CNTNAP2: variants seen among roughly 807,000 people sequenced by gnomAD.
The protein encoded by CNTNAP2 is contactin-associated protein-like 2.
Under a neutral mutation model 155.2 loss-of-function variants are expected in CNTNAP2, and 98 were observed. The observed-to-expected ratio is 0.63, with a 90% CI of 0.54 to 0.75. The LOEUF is 0.75. Ranked by LOEUF, CNTNAP2 falls within the 30% of genes least tolerant of loss-of-function variation. The pLI is 0.00. For synonymous variants in CNTNAP2, 651 were observed against 631.2 expected (o/e 1.03, Z -0.47); for missense variants, 1,727 against 1,688.1 (o/e 1.02, Z -0.40).
chr7:146,483,132 C>T (rs1486679424), intron 1 of CNTNAP2, among the ~76,000 whole-genome samples: 5 of 149,910 alleles, frequency 3.3e-5, no homozygotes, highest in African/African-American at 9.8e-5. Context: ...AAAAATTAGC[C>T]GGGCATGGTG....
chr7:146,885,831 T>C (rs150326950), intron 3 of CNTNAP2, among the ~76,000 whole-genome samples: 4 of 152,216 alleles, frequency 2.6e-5, no homozygotes, highest in African/African-American at 9.6e-5. Flanking sequence ...CAGCATGAAT[T>C]GTAAACTAAG....
intron 2 of CNTNAP2, among the ~76,000 whole-genome samples, chr7:146,835,316 A>T (rs1562967239): frequency 6.6e-6 from 1 of 152,140 alleles, no homozygotes; most frequent in Non-Finnish European, 1.5e-5. Context: ...CTCACCTGTT[A>T]CCTCATTGTA....
At chr7:146,145,276 T>G (rs928521770) in intron 1 of CNTNAP2, among the ~76,000 whole-genome samples, 1 of 152,200 alleles carries the variant, frequency 6.6e-6, no homozygotes, top group African/African-American at 2.4e-5. Flanking sequence ...GAAGCCTTCC[T>G]GAAAGCCTCA....
chr7:146,239,499 G>A (rs2116925570), intron 1 of CNTNAP2, among the ~76,000 whole-genome samples: 1 of 152,180 alleles, frequency 6.6e-6, no homozygotes, highest in Admixed American at 6.5e-5. Context: ...ATAGTTGATA[G>A]GATAACCTGG....
At chr7:146,778,088 T>C (rs1308793760) in intron 2 of CNTNAP2, among the ~76,000 whole-genome samples, 1 of 152,122 alleles carries the variant, frequency 6.6e-6, no homozygotes, top group Non-Finnish European at 1.5e-5. Context: ...AGTGAGAAGA[T>C]CATATACTAA....
chr7:147,802,669 G>A (rs772984608), intron 13 of CNTNAP2, among the ~76,000 whole-genome samples: 2,332 of 151,818 alleles, frequency 0.015, 70 homozygotes, highest in African/African-American at 0.053. Flanking sequence ...GCAGGCACTC[G>A]GCAGGCTGAG....
chr7:147,377,372 C>T (rs1796453393), intron 9 of CNTNAP2, among the ~76,000 whole-genome samples: 1 of 151,570 alleles, frequency 6.6e-6, no homozygotes, highest in Non-Finnish European at 1.5e-5. Flanking sequence ...TACTTTTTGT[C>T]CTGAGTTTTA....
chr7:147,139,232 AC>A (rs1442891222), intron 8 of CNTNAP2, among the ~76,000 whole-genome samples: 1 of 152,056 alleles, frequency 6.6e-6, no homozygotes, highest in East Asian at 1.9e-4. Context: ...GTGGTCCTTT[AC>A]CTTTCATTTA....
chr7:147,897,628 T>A (rs1234354337), intron 13 of CNTNAP2, among the ~76,000 whole-genome samples: 1 of 152,188 alleles, frequency 6.6e-6, no homozygotes, highest in Non-Finnish European at 1.5e-5. Context: ...TTTCATGAGG[T>A]CAAAATGGAA....
At chr7:147,395,520 T>C (rs1796798608) in intron 9 of CNTNAP2, 89 bp from the exon 10 acceptor site, 2 of 1,273,714 alleles carry the variant, frequency 1.6e-6, no homozygotes, top group Admixed American at 3.4e-5. Context: ...TTGGATGTGA[T>C]GGCTGTGGCC....
chr7:146,831,744 G>A (rs544423677), intron 2 of CNTNAP2, among the ~76,000 whole-genome samples: 279 of 150,732 alleles, frequency 1.9e-3, no homozygotes, highest in African/African-American at 6.3e-3. Flanking sequence ...CTTGTCTGAG[G>A]AGGTATTTGT....
chr7:146,212,204 C>T (rs1203603294), intron 1 of CNTNAP2, among the ~76,000 whole-genome samples: 1 of 152,078 alleles, frequency 6.6e-6, no homozygotes, highest in Non-Finnish European at 1.5e-5. Flanking sequence ...CACTGGGGGT[C>T]AGTTTTCTAA....
intron 1 of CNTNAP2, among the ~76,000 whole-genome samples, chr7:146,149,879 G>GAAAAAAAAA (rs377385260): frequency 8.4e-5 from 5 of 59,472 alleles, no homozygotes; most frequent in Non-Finnish European, 1.3e-4. Context: ...TAGCCACAAA[G>GAAAAAAAAA]AAAAAAAAAA....
chr7:146,931,861 C>T (rs996502807), intron 3 of CNTNAP2, among the ~76,000 whole-genome samples: 1 of 152,180 alleles, frequency 6.6e-6, no homozygotes, highest in African/African-American at 2.4e-5. Flanking sequence ...TTCCTTGACA[C>T]ATACACCCTC....
chr7:146,378,262 T>G (rs988191423), intron 1 of CNTNAP2, among the ~76,000 whole-genome samples: 3 of 152,196 alleles, frequency 2.0e-5, no homozygotes, highest in Non-Finnish European at 4.4e-5. Flanking sequence ...ACAAATGATA[T>G]TTGAGTTTCA....
chr7:147,392,724 A>G (rs976856192), intron 9 of CNTNAP2, among the ~76,000 whole-genome samples: 38 of 152,112 alleles, frequency 2.5e-4, no homozygotes, highest in Non-Finnish European at 3.2e-4. Context: ...TCCATTGTGT[A>G]TATGTATAAA....
At chr7:147,773,846 T>A (rs1012086) in intron 13 of CNTNAP2, among the ~76,000 whole-genome samples, 27,745 of 151,940 alleles carry the variant, frequency 0.18, 2,898 homozygotes, top group Middle Eastern at 0.34. Context: ...AAACAAAAAA[T>A]TTTTTTTAAT....
chr7:147,473,357 A>T (rs765024088), intron 10 of CNTNAP2, among the ~76,000 whole-genome samples: 1 of 152,152 alleles, frequency 6.6e-6, no homozygotes, highest in African/African-American at 2.4e-5. Flanking sequence ...AATTCTGGAA[A>T]AGTGTAAGTT....
rs1048955618 is a variant in CNTNAP2, at chr7:148,288,327, C to T, written c.3475+21201C>T. On this transcript the variant is annotated intron_variant, in intron 21 of 23. Coordinates refer to ENST00000361727, the MANE Select transcript of CNTNAP2 (RefSeq NM_014141.6). ...TGTTGGCCAAGCTGGTCTCAAACTC[C>T]TGACTTCGTGATCTGCCCGCCTCAT... Among the ~76,000 whole-genome samples, 6 of 148,804 alleles carry T rather than the reference C, an allele frequency of 4.0e-5. No individual in the cohort carries two copies. In the South Asian group the frequency reaches 1.3e-3, roughly 32 times the overall value.
Sources: allele counts gnomAD v4.1 joint callset (sites outside exome capture counted in the v4.1 genomes callset), GRCh38; gene constraint gnomAD v4.1.1; transcripts MANE v1.5; gene names NCBI Gene and HGNC (gene_info 2026-07-23, HGNC 2026-07-21).